The following NUP155 variants were observed in gnomAD, a reference collection of about 807,000 sequenced individuals.
The protein encoded by NUP155 is nucleoporin 155.
In NUP155, 71 loss-of-function variants were observed where a neutral mutation model predicts 180.4. The ratio of observed to expected loss-of-function variants is 0.39; its 90% CI spans 0.33 to 0.48. The LOEUF is 0.48. Ranked by LOEUF, NUP155 falls within the 20% of genes least tolerant of loss-of-function variation. NUP155 has a pLI of 0.91. For synonymous variants in NUP155, 582 were observed against 559.5 expected, an observed-to-expected ratio of 1.04 and a Z score of -0.57; for missense variants, 1,553 against 1,648.9, an observed-to-expected ratio of 0.94 and a Z score of 1.01.
At chr5:37,310,498 T>C (rs761418946) in intron 23 of NUP155, 54 bp downstream of exon 23, 3 of 1,434,046 alleles carry the variant, frequency 2.1e-6, no homozygotes, top group Non-Finnish European at 2.9e-6. Flanking sequence ...AGATGGTTCA[T>C]CATACATGAT....
intron 10 of NUP155, among the ~76,000 whole-genome samples, 197 bp from the exon 11 acceptor site, chr5:37,341,439 G>C (rs891656718): frequency 6.6e-6 from 1 of 152,184 alleles, no homozygotes; most frequent in Non-Finnish European, 1.5e-5. Flanking sequence ...TCGGCTTACT[G>C]CAACCTCCGC....
At chr5:37,318,231 G>T in intron 20 of NUP155, 146 bp from the exon 21 acceptor site, 3 of 648,672 alleles carry the variant, frequency 4.6e-6, no homozygotes, top group Non-Finnish European at 8.4e-6. Context: ...CTGATGGCCA[G>T]AAAAAATTTA....
At position 37,329,136 on chromosome 5, in the gene NUP155, G is replaced by T. The variant is rs1744792483; in HGVS notation, c.1813+54C>A. On this transcript the variant is annotated intron_variant, in intron 16 of 34. Coordinates refer to ENST00000231498, the MANE Select transcript of NUP155 (RefSeq NM_153485.3). ...GCTTATTGATAAAAATTGCTATAAA[G>T]GTTCTAAGATTCAAACGATTAGAAA... 2.0e-5 allele frequency: 26 copies of T among 1,310,170 alleles called. 1 individual carries two copies. Among genetic ancestry groups the T allele is most frequent in the Middle Eastern group, 3.6e-4 (2 of 5,522 alleles). The allele number at this position is 1,310,170 out of a possible 1,614,324, so 81.2% of individuals were successfully genotyped here. A position where few individuals can be genotyped will look rare whatever the true frequency, so the allele number is the denominator to read the frequency against.
chr5:37,356,229 C>CAAA (rs35469429), intron 4 of NUP155, among the ~76,000 whole-genome samples: 5 of 91,456 alleles, frequency 5.5e-5, no homozygotes, highest in Non-Finnish European at 6.5e-5. Flanking sequence ...AATTCCATCT[C>CAAA]AAAAAAAAAA....
chr5:37,318,712 TA>T (rs1001962709), intron 20 of NUP155, among the ~76,000 whole-genome samples: 1 of 151,950 alleles, frequency 6.6e-6, no homozygotes, highest in Admixed American at 6.6e-5. Context: ...TCACAATACA[TA>T]AAAAACGAGA....
chr5:37,340,965 T>C (rs2150976269), intron 11 of NUP155, 125 bp downstream of exon 11: 2 of 805,040 alleles, frequency 2.5e-6, no homozygotes, highest in South Asian at 1.6e-5. Flanking sequence ...CCTACTTCCC[T>C]GACCCTTCTA....
intron 20 of NUP155, among the ~76,000 whole-genome samples, chr5:37,318,294 A>G (rs1360216454): frequency 6.6e-6 from 1 of 152,188 alleles, no homozygotes; most frequent in Non-Finnish European, 1.5e-5. Flanking sequence ...AATCAATTAA[A>G]TGACTGAGAA....
chr5:37,323,937 A>G, intron 20 of NUP155, 55 bp downstream of exon 20: 1 of 1,273,644 alleles, frequency 7.9e-7, no homozygotes. Context: ...AATCATCTCA[A>G]CAAAAAATAC....
chr5:37,369,959 A>G (rs1340847063), intron 1 of NUP155, among the ~76,000 whole-genome samples: 1 of 152,238 alleles, frequency 6.6e-6, no homozygotes, highest in East Asian at 1.9e-4. Context: ...GTCAACACAT[A>G]TTCTGCCTTA....
intron 33 of NUP155, among the ~76,000 whole-genome samples, chr5:37,293,627 G>A (rs1417712507): frequency 2.6e-5 from 4 of 152,352 alleles, no homozygotes; most frequent in African/African-American, 9.6e-5. Context: ...TCAGCAGGGT[G>A]AGAAGGATCT....
chr5:37,327,071 ATT>A (rs1180594954), intron 18 of NUP155: 1 of 153,670 alleles, frequency 6.5e-6, no homozygotes, highest in African/African-American at 2.4e-5. Flanking sequence ...GATTTTCTTA[ATT>A]TTTTTTCTCT....
At chr5:37,326,330 A>T (rs1034946248) in intron 18 of NUP155, among the ~76,000 whole-genome samples, 5 of 152,210 alleles carry the variant, frequency 3.3e-5, no homozygotes, top group African/African-American at 1.2e-4. Context: ...GCTAACTAAG[A>T]TAACATGATA....
chr5:37,349,853 T>C (rs1746346278), intron 7 of NUP155, among the ~76,000 whole-genome samples: 1 of 152,132 alleles, frequency 6.6e-6, no homozygotes. Context: ...GCAAACAATG[T>C]ATTAGCTGTC....
intron 20 of NUP155, among the ~76,000 whole-genome samples, chr5:37,321,855 T>C (rs959879929): frequency 6.6e-6 from 1 of 152,206 alleles, no homozygotes; most frequent in African/African-American, 2.4e-5. Context: ...TTATTATTTA[T>C]TTATGATATT....
chr5:37,309,299 A>G (rs943550456), intron 23 of NUP155, 32 bp from the exon 24 acceptor site: 1 of 1,587,026 alleles, frequency 6.3e-7, no homozygotes, highest in Non-Finnish European at 8.6e-7. Context: ...ACTTAAAAAT[A>G]TATAAAATCA....
At chr5:37,358,484 A>C (rs571055367) in intron 3 of NUP155, among the ~76,000 whole-genome samples, 35 of 152,172 alleles carry the variant, frequency 2.3e-4, no homozygotes, top group Admixed American at 2.2e-3. Flanking sequence ...AGAAAAACAG[A>C]AAACCAAGTA....
rs375816854 is a variant in NUP155 at position 37,291,888 on chromosome 5, A to G, written c.*12T>C. ...TACAGATCATAAAACGGATGAAAGTATATCACAGTAATTAATGAAGCCGTT... is the reference window on the plus strand; with the variant it reads ...TACAGATCATAAAACGGATGAAAGTGTATCACAGTAATTAATGAAGCCGTT... On this transcript the variant is annotated 3_prime_UTR_variant, in exon 35 of 35. Coordinates refer to ENST00000231498, the MANE Select transcript of NUP155 (RefSeq NM_153485.3). 1.9e-6 allele frequency: 3 copies of G among 1,612,830 alleles called. No individual in the cohort carries two copies. The highest frequency in any genetic ancestry group is 2.7e-5 in the African/African-American group (2 of 74,914).
intron 22 of NUP155, among the ~76,000 whole-genome samples, chr5:37,312,439 A>C (rs1477086047): frequency 6.6e-6 from 1 of 152,162 alleles, no homozygotes; most frequent in African/African-American, 2.4e-5. Flanking sequence ...CTGGATTTCT[A>C]CAAGGCAACA....
In NUP155 at chr5:37,349,258, CAAAA is replaced by C; in HGVS notation, c.830-17_830-14del. 3 of 544,316 alleles carry C rather than the reference CAAAA, an allele frequency of 5.5e-6. No individual in the cohort carries two copies. Among genetic ancestry groups the C allele is most frequent in the Admixed American group, 9.0e-5 (2 of 22,154 alleles). The allele number at this position is 544,316 out of a possible 1,614,324, so 33.7% of individuals were successfully genotyped here. ...TGAAGAATAGGATCTAAAAGTAAGA[CAAAA>C]AAAAAAAAGAGAAAAAAGTAAACCC... On this transcript the variant is annotated splice_polypyrimidine_tract_variant and intron_variant, in intron 7 of 34. Transcript: ENST00000231498.
Sources: allele counts gnomAD v4.1 joint callset (sites outside exome capture counted in the v4.1 genomes callset), GRCh38; gene constraint gnomAD v4.1.1; transcripts MANE v1.5; gene names NCBI Gene and HGNC (gene_info 2026-07-23, HGNC 2026-07-21).